ASXL1: variants seen among roughly 807,000 people sequenced by gnomAD.
ASXL1 encodes the protein ASXL transcriptional regulator 1.
A neutral mutation model predicts 89.1 loss-of-function variants in ASXL1; 65 were observed. The ratio of observed to expected loss-of-function variants is 0.73; its 90% CI spans 0.60 to 0.90. The LOEUF is 0.90. Among genes scored for constraint, ASXL1 ranks in the 40% least tolerant of loss-of-function variants. The pLI is 0.00. For synonymous variants in ASXL1, 739 were observed against 746.9 expected (o/e 0.99, Z 0.17); for missense variants, 1,786 against 1,942.9 (o/e 0.92, Z 1.52).
chr20:32,361,408 G>A lies in ASXL1; in HGVS notation c.57+2576G>A, dbSNP rs538393894. 2.0e-5 allele frequency among the ~76,000 whole-genome samples: 3 copies of A among 151,820 alleles called. No homozygotes were observed. In the East Asian group the frequency reaches 5.9e-4, roughly 30 times the overall value. ...TAATCCCAGCACTTTGGGACGCCGA[G>A]GTGGGTGGATCACAGGGTCAGGAGT... On this transcript the variant is annotated intron_variant, in intron 1 of 12. Transcript: ENST00000375687.
chr20:32,367,741 C>A lies in ASXL1; in HGVS notation c.143+12C>A, dbSNP rs953949582. 1.3e-6 allele frequency: 1 copy of A among 780,652 alleles called. No homozygotes were observed. Among genetic ancestry groups the A allele is most frequent in the African/African-American group, 1.7e-5 (1 of 59,118 alleles). 48.4% of individuals were successfully genotyped at this position (780,652 alleles called of 1,614,324 possible). ...TTTGCCTATAGAAGGTAAATGAGTC[C>A]CTTTGGGACATATGGAATTGAGAAC... On this transcript the variant is annotated intron_variant, in intron 3 of 12. Coordinates refer to ENST00000375687, the MANE Select transcript of ASXL1 (RefSeq NM_015338.6).
At chr20:32,359,179 C>A (rs2122758110) in intron 1 of ASXL1, 2 of 688,426 alleles carry the variant, frequency 2.9e-6, no homozygotes, top group East Asian at 2.7e-5. Flanking sequence ...CAGCTTCGTT[C>A]ATTCACCCGG....
chr20:32,368,252 A>G (rs1180731336), intron 3 of ASXL1, among the ~76,000 whole-genome samples: 1 of 152,164 alleles, frequency 6.6e-6, no homozygotes, highest in Non-Finnish European at 1.5e-5. Context: ...TATTTTTGGT[A>G]GCTTTTCTAT....
chr20:32,405,285 A>G (rs541032668), intron 4 of ASXL1, among the ~76,000 whole-genome samples: 5 of 151,902 alleles, frequency 3.3e-5, no homozygotes, highest in Non-Finnish European at 7.4e-5. Flanking sequence ...AATTTTTTTA[A>G]TTTTAATTTT....
chr20:32,422,177 C>T (rs2049268301), intron 4 of ASXL1, among the ~76,000 whole-genome samples: 1 of 147,750 alleles, frequency 6.8e-6, no homozygotes, highest in African/African-American at 2.5e-5. Flanking sequence ...CCGCGCCCGG[C>T]CGAGAGGGGT....
chr20:32,408,925 C>G (rs1412148305), intron 4 of ASXL1, among the ~76,000 whole-genome samples: 1 of 151,910 alleles, frequency 6.6e-6, no homozygotes, highest in African/African-American at 2.4e-5. Context: ...TGAGGTCTTG[C>G]ATGCCTTAAC....
chr20:32,411,762 T>C (rs2049052963), intron 4 of ASXL1, among the ~76,000 whole-genome samples: 1 of 152,064 alleles, frequency 6.6e-6, no homozygotes, highest in Non-Finnish European at 1.5e-5. Context: ...GGTCTCGAAC[T>C]CCTGACCTCA....
At chr20:32,430,565 A>G (rs1310031565) in intron 8 of ASXL1, 9 of 133,604 alleles carry the variant, frequency 6.7e-5, no homozygotes, top group Non-Finnish European at 1.2e-4. Context: ...CCCCACCCCC[A>G]TTAGGGTTAT....
intron 4 of ASXL1, among the ~76,000 whole-genome samples, chr20:32,391,408 G>C (rs2424882): frequency 0.33 from 50,697 of 152,002 alleles, 9,965 homozygotes; most frequent in Middle Eastern, 0.52. Flanking sequence ...GCTGGGTTGG[G>C]TGGTAATTTC....
chr20:32,358,922 C>G, intron 1 of ASXL1, 90 bp downstream of exon 1: 5 of 1,308,280 alleles, frequency 3.8e-6, no homozygotes, highest in Non-Finnish European at 5.0e-6. Context: ...GGGGCAAGGC[C>G]CTGCCCACCG....
At chr20:32,413,349 G>A (rs1440096901) in intron 4 of ASXL1, among the ~76,000 whole-genome samples, 1 of 152,146 alleles carries the variant, frequency 6.6e-6, no homozygotes, top group Non-Finnish European at 1.5e-5. Flanking sequence ...GTGGGGAGCA[G>A]TGTCACTTAC....
chr20:32,364,441 C>T (rs2048173315), intron 1 of ASXL1, among the ~76,000 whole-genome samples: 1 of 151,962 alleles, frequency 6.6e-6, no homozygotes, highest in African/African-American at 2.4e-5. Flanking sequence ...TGGTTTTGAA[C>T]TCCTAGGCTC....
chr20:32,399,256 C>A (rs150680383), intron 4 of ASXL1, among the ~76,000 whole-genome samples: 2 of 150,222 alleles, frequency 1.3e-5, no homozygotes, highest in Admixed American at 6.6e-5. Context: ...TTTTTTCTTT[C>A]AATACTTTAA....
intron 1 of ASXL1, chr20:32,359,590 G>A (rs2048075359): frequency 1.5e-6 from 1 of 679,002 alleles, no homozygotes; most frequent in African/African-American, 1.8e-5. Context: ...GCCTTCAGAA[G>A]CTGGACTGGA....
chr20:32,395,812 T>C (rs1339062656), intron 4 of ASXL1, among the ~76,000 whole-genome samples: 2 of 152,200 alleles, frequency 1.3e-5, no homozygotes, highest in Non-Finnish European at 1.5e-5. Flanking sequence ...TTTTTTCTTT[T>C]TTTTGAGACG....
chr20:32,369,176 C>T, intron 4 of ASXL1, 53 bp downstream of exon 4: 1 of 1,497,050 alleles, frequency 6.7e-7, no homozygotes. Context: ...TTTTAATGTG[C>T]ATAAAAATCA....
intron 6 of ASXL1, chr20:32,428,756 G>C (rs1229541708): frequency 3.3e-6 from 1 of 305,482 alleles, no homozygotes; most frequent in Non-Finnish European, 6.2e-6. Context: ...TGCCTCTGGG[G>C]TTCAAGCAAT....
chr20:32,401,550 T>TTTTTTC (rs1555907089), intron 4 of ASXL1, among the ~76,000 whole-genome samples: 4 of 129,962 alleles, frequency 3.1e-5, no homozygotes, highest in African/African-American at 1.0e-4. Context: ...GTGTGTTTTT[T>TTTTTTC]CCCCCCCCCC....
intron 4 of ASXL1, among the ~76,000 whole-genome samples, chr20:32,426,554 C>CTTTTTTTTTTTTTTTT (rs1177815042): frequency 7.1e-5 from 6 of 83,954 alleles, no homozygotes; most frequent in African/African-American, 2.3e-4. Context: ...TTTTTTCTTT[C>CTTTTTTTTTTTTTTTT]TTTTTTTTTT....
Sources: allele counts gnomAD v4.1 joint callset (sites outside exome capture counted in the v4.1 genomes callset), GRCh38; gene constraint gnomAD v4.1.1; transcripts MANE v1.5; gene names NCBI Gene and HGNC (gene_info 2026-07-23, HGNC 2026-07-21).